The following CSGALNACT1 variants were observed in gnomAD, a reference collection of about 807,000 sequenced individuals.
The protein encoded by CSGALNACT1 is chondroitin sulfate N-acetylgalactosaminyltransferase 1, also known as beta4GalNAcT-1.
In CSGALNACT1, 52 loss-of-function variants were observed where a neutral mutation model predicts 51.0. The observed-to-expected ratio is 1.02, with a 90% CI of 0.82 to 1.29. The LOEUF (loss-of-function observed/expected upper bound fraction) is 1.29, where lower values mean the gene tolerates loss of function less well. CSGALNACT1 is among the 50% of genes most tolerant of loss of function. CSGALNACT1 has a pLI of 0.00. For missense variants in CSGALNACT1, 935 were observed against 679.2 expected (o/e 1.38, Z -4.19); for synonymous variants, 341 against 254.4 (o/e 1.34, Z -3.24).
intron 1 of CSGALNACT1, among the ~76,000 whole-genome samples, chr8:19,635,733 C>A (rs774419931): frequency 6.6e-6 from 1 of 152,034 alleles, no homozygotes; most frequent in Non-Finnish European, 1.5e-5. Flanking sequence ...TTCAGCTTTT[C>A]GTTTTGTTTT....
At position 19,475,980 on chromosome 8, in the gene CSGALNACT1, C is replaced by A. The variant is rs548726070; in HGVS notation, c.635-17338G>T. Among the ~76,000 whole-genome samples the A allele has an allele frequency of 2.0e-5, 3 of 152,296 alleles. No individual in the cohort carries two copies. The East Asian group carries it at 5.8e-4, about 29-fold the overall frequency. On this transcript the variant is annotated intron_variant, in intron 4 of 9. Coordinates refer to ENST00000454498, the Ensembl canonical transcript of CSGALNACT1. ...CTAAATGAAACATGACTTGCCATGT[C>A]CACGAGAAGCAATGAAACAGAAGAA...
At chr8:19,659,069 C>G (rs2058544936) in intron 1 of CSGALNACT1, among the ~76,000 whole-genome samples, 1 of 151,722 alleles carries the variant, frequency 6.6e-6, no homozygotes, top group Non-Finnish European at 1.5e-5. Context: ...CTCCCCCCAA[C>G]CCACCCACCA....
intron 1 of CSGALNACT1, among the ~76,000 whole-genome samples, chr8:19,713,043 T>A (rs11779224): frequency 6.6e-6 from 1 of 152,206 alleles, no homozygotes; most frequent in Non-Finnish European, 1.5e-5. Flanking sequence ...ATCTTTCCAG[T>A]GCTTTATCTC....
chr8:19,483,988 G>A (rs969496186), intron 4 of CSGALNACT1, among the ~76,000 whole-genome samples: 1 of 152,094 alleles, frequency 6.6e-6, no homozygotes, highest in Non-Finnish European at 1.5e-5. Flanking sequence ...GAAATAAACA[G>A]TCCATCCTGT....
chr8:19,683,169 A>C, upstream of CSGALNACT1: 2 of 158,748 alleles, frequency 1.3e-5, no homozygotes, highest in Non-Finnish European at 2.8e-5. Flanking sequence ...TGTGCTACAG[A>C]GTTCACACTT....
At chr8:19,407,288 G>C (rs1385924201) in intron 9 of CSGALNACT1, among the ~76,000 whole-genome samples, 2 of 151,910 alleles carry the variant, frequency 1.3e-5, no homozygotes, top group Non-Finnish European at 2.9e-5. Flanking sequence ...TCTACCCCTC[G>C]TCCCTGATTT....
chr8:19,493,957 A>G (rs150815869), intron 4 of CSGALNACT1, among the ~76,000 whole-genome samples: 217 of 152,134 alleles, frequency 1.4e-3, no homozygotes, highest in African/African-American at 5.0e-3. Flanking sequence ...TAACATTTTG[A>G]GAAACTGCCA....
chr8:19,704,708 G>A (rs1370063709), intron 1 of CSGALNACT1, among the ~76,000 whole-genome samples: 3 of 152,038 alleles, frequency 2.0e-5, no homozygotes, highest in Non-Finnish European at 4.4e-5. Context: ...GTGGATAAAT[G>A]GATGGATGGA....
intron 3 of CSGALNACT1, among the ~76,000 whole-genome samples, chr8:19,576,249 G>A (rs1026928986): frequency 6.6e-6 from 1 of 152,170 alleles, no homozygotes; most frequent in Non-Finnish European, 1.5e-5. Context: ...AGGCTGGAGT[G>A]CAGTGGGGTA....
chr8:19,457,641 A>G (rs1287600552), intron 5 of CSGALNACT1: 27 of 1,277,222 alleles, frequency 2.1e-5, no homozygotes, highest in Non-Finnish European at 2.8e-5. Flanking sequence ...AATCAGCTTG[A>G]TCTTTCAAGA....
intron 4 of CSGALNACT1, among the ~76,000 whole-genome samples, chr8:19,480,602 G>C (rs1381770803): frequency 6.6e-6 from 1 of 152,118 alleles, no homozygotes; most frequent in Non-Finnish European, 1.5e-5. Context: ...CTTTACAATA[G>C]AACAATTTCT....
At chr8:19,588,239 T>C (rs560914870) in intron 3 of CSGALNACT1, among the ~76,000 whole-genome samples, 213 of 152,142 alleles carry the variant, frequency 1.4e-3, no homozygotes, top group Non-Finnish European at 2.5e-3. Flanking sequence ...TATATACATA[T>C]ACTCACACAA....
intron 3 of CSGALNACT1, among the ~76,000 whole-genome samples, chr8:19,546,368 A>G (rs900919284): frequency 6.6e-6 from 1 of 152,146 alleles, no homozygotes; most frequent in African/African-American, 2.4e-5. Flanking sequence ...CCATCTGTCA[A>G]TCTTATTCCT....
At chr8:19,720,564 G>A (rs1035270217) in intron 1 of CSGALNACT1, among the ~76,000 whole-genome samples, 3 of 152,212 alleles carry the variant, frequency 2.0e-5, no homozygotes, top group African/African-American at 7.2e-5. Flanking sequence ...TGCATTACAT[G>A]TCTTGGGAGG....
At chr8:19,749,426 T>C (rs1234729676) in intron 1 of CSGALNACT1, among the ~76,000 whole-genome samples, 2 of 152,126 alleles carry the variant, frequency 1.3e-5, no homozygotes, top group Non-Finnish European at 2.9e-5. Flanking sequence ...ACAGAAGGGC[T>C]GGTTTATGCC....
chr8:19,408,866 T>C (rs2054937299), intron 8 of CSGALNACT1, among the ~76,000 whole-genome samples, 172 bp from the exon 8 acceptor site: 1 of 151,638 alleles, frequency 6.6e-6, no homozygotes. Flanking sequence ...CAGTCAGGAA[T>C]ACAGTACACA....
chr8:19,529,475 T>C (rs2082322551), intron 3 of CSGALNACT1, among the ~76,000 whole-genome samples: 1 of 152,192 alleles, frequency 6.6e-6, no homozygotes, highest in South Asian at 2.1e-4. Context: ...AGCTCTTATC[T>C]CCTGTTTCAC....
chr8:19,465,475 T>TA (rs1044890132), intron 4 of CSGALNACT1, among the ~76,000 whole-genome samples: 1 of 152,146 alleles, frequency 6.6e-6, no homozygotes, highest in African/African-American at 2.4e-5. Context: ...AACTGTCCAC[T>TA]AAAAAATGCT....
chr8:19,509,953 G>A (rs1251995208), intron 3 of CSGALNACT1, among the ~76,000 whole-genome samples: 1 of 152,120 alleles, frequency 6.6e-6, no homozygotes, highest in Non-Finnish European at 1.5e-5. Flanking sequence ...CAATCTCTTG[G>A]GGGTGGCTGT....
Sources: gnomAD v4.1 joint callset for allele counts (sites outside exome capture counted in the v4.1 genomes callset) on GRCh38, gnomAD v4.1.1 for gene constraint, MANE v1.5 for transcripts, NCBI Gene and HGNC (gene_info 2026-07-23, HGNC 2026-07-21) for gene names.